Variants in OTUD7A observed in about 807,000 individuals in gnomAD.
OTUD7A encodes the protein OTU deubiquitinase 7A, also known as OTU domain-containing protein 7A.
OTUD7A carries 12 observed loss-of-function variants against 65.7 expected under a neutral mutation model. The ratio of observed to expected loss-of-function variants is 0.18; its 90% confidence interval spans 0.12 to 0.30. The LOEUF is 0.30. Ranked by LOEUF, OTUD7A falls within the 10% of genes least tolerant of loss-of-function variation. The pLI is 1.00. For missense variants in OTUD7A, 1,148 were observed against 1,304.8 expected (o/e 0.88, Z 1.85); for synonymous variants, 641 against 586.3 (o/e 1.09, Z -1.35).
intron 3 of OTUD7A, among the ~76,000 whole-genome samples, chr15:31,635,888 C>T (rs1236939323): frequency 1.3e-5 from 2 of 152,202 alleles, no homozygotes; most frequent in Admixed American, 1.3e-4. Flanking sequence ...GCAAGGAGAG[C>T]CACTGCCCCC....
chr15:31,623,391 G>A (rs1453009457), intron 3 of OTUD7A, among the ~76,000 whole-genome samples: 2 of 152,222 alleles, frequency 1.3e-5, no homozygotes, highest in African/African-American at 4.8e-5. Context: ...GGCAGGCCTC[G>A]TTGAGCTGCA....
chr15:31,865,724 C>G (rs1472109325), intron 1 of OTUD7A, among the ~76,000 whole-genome samples: 2 of 152,162 alleles, frequency 1.3e-5, no homozygotes, highest in Non-Finnish European at 2.9e-5. Flanking sequence ...AGCTCCTAAA[C>G]CTTTGTCTCA....
At chr15:31,496,195 T>C (rs193269611) in intron 10 of OTUD7A, among the ~76,000 whole-genome samples, 48 of 151,960 alleles carry the variant, frequency 3.2e-4, no homozygotes, top group African/African-American at 1.2e-3. Flanking sequence ...GGTACACAAA[T>C]AGACCAATTT....
At chr15:31,855,718 A>T (rs1316383899) in intron 1 of OTUD7A, among the ~76,000 whole-genome samples, 1 of 152,232 alleles carries the variant, frequency 6.6e-6, no homozygotes, top group Non-Finnish European at 1.5e-5. Flanking sequence ...AGGAAAAGGA[A>T]GCACTAATAT....
At chr15:31,522,019 T>C (rs1256241608) in intron 8 of OTUD7A, among the ~76,000 whole-genome samples, 2 of 152,228 alleles carry the variant, frequency 1.3e-5, no homozygotes, top group African/African-American at 4.8e-5. Flanking sequence ...TCCTCATGCC[T>C]GGTCTGCATT....
chr15:31,697,899 C>T (rs1211974399), intron 1 of OTUD7A, among the ~76,000 whole-genome samples: 1 of 152,160 alleles, frequency 6.6e-6, no homozygotes, highest in Admixed American at 6.5e-5. Flanking sequence ...ACACTGGTCA[C>T]CTTATCTCCA....
At chr15:31,546,233 C>T (rs1888127282) in intron 5 of OTUD7A, among the ~76,000 whole-genome samples, 1 of 152,176 alleles carries the variant, frequency 6.6e-6, no homozygotes, top group Non-Finnish European at 1.5e-5. Context: ...GTGTTCATGG[C>T]TTACCAGAAA....
chr15:31,697,519 G>T (rs1893111189), intron 1 of OTUD7A, among the ~76,000 whole-genome samples: 1 of 144,502 alleles, frequency 6.9e-6, no homozygotes, highest in Non-Finnish European at 1.5e-5. Context: ...TTAGGCTCAG[G>T]GGCCACAGAA....
intron 1 of OTUD7A, among the ~76,000 whole-genome samples, chr15:31,815,162 T>C (rs1375513850): frequency 1.3e-5 from 2 of 152,140 alleles, no homozygotes; most frequent in Non-Finnish European, 2.9e-5. Flanking sequence ...AATCTGCAAT[T>C]GCACAAATCT....
At chr15:31,805,792 C>T (rs1181305270) in intron 1 of OTUD7A, among the ~76,000 whole-genome samples, 1 of 152,166 alleles carries the variant, frequency 6.6e-6, no homozygotes, top group Non-Finnish European at 1.5e-5. Context: ...CGGAGATCTT[C>T]CTCCTCCAAA....
At chr15:31,656,777 G>C (rs1407970328) in intron 2 of OTUD7A, among the ~76,000 whole-genome samples, 2 of 151,812 alleles carry the variant, frequency 1.3e-5, no homozygotes. Flanking sequence ...CTGTGACATG[G>C]GCTTCACCTC....
chr15:31,612,769 T>C (rs1241851531), intron 3 of OTUD7A, among the ~76,000 whole-genome samples: 1 of 152,164 alleles, frequency 6.6e-6, no homozygotes, highest in Non-Finnish European at 1.5e-5. Flanking sequence ...ACCATCGTCA[T>C]TCTTCACAGA....
In OTUD7A at chr15:31,483,253, C is replaced by A; in HGVS notation, c.*41G>T. ...ACACCGACACAATGGAAAAGAAATC[C>A]TCGAAGGTAGAACCTCGCCGCCCGC... On this transcript the variant is annotated 3_prime_UTR_variant, in exon 13 of 13. Transcript: ENST00000307050. 9.4e-7 allele frequency: 1 copy of A among 1,067,214 alleles called. No individual in the cohort carries two copies. The highest frequency in any genetic ancestry group is 5.3e-5 in the Admixed American group (1 of 18,874). The allele number at this position is 1,067,214 out of a possible 1,614,324, so 66.1% of individuals were successfully genotyped here. A position where few individuals can be genotyped will look rare whatever the true frequency, so the allele number is the denominator to read the frequency against.
intron 1 of OTUD7A, among the ~76,000 whole-genome samples, chr15:31,727,596 CA>C (rs1201652576): frequency 6.6e-6 from 1 of 152,182 alleles, no homozygotes; most frequent in African/African-American, 2.4e-5. Context: ...AATGAAATTC[CA>C]ATGAATATCC....
chr15:31,581,230 C>G (rs1186594901), intron 3 of OTUD7A, among the ~76,000 whole-genome samples: 3 of 152,252 alleles, frequency 2.0e-5, no homozygotes, highest in Admixed American at 2.0e-4. Context: ...TGGTCTTGGG[C>G]AGCTCCACCC....
intron 1 of OTUD7A, among the ~76,000 whole-genome samples, chr15:31,807,333 T>C (rs1336230247): frequency 6.6e-6 from 1 of 152,168 alleles, no homozygotes; most frequent in Non-Finnish European, 1.5e-5. Flanking sequence ...GGGACATGCA[T>C]GTGTTTCACA....
intron 1 of OTUD7A, among the ~76,000 whole-genome samples, chr15:31,675,902 T>G: frequency 6.6e-6 from 1 of 152,224 alleles, no homozygotes; most frequent in East Asian, 1.9e-4. Flanking sequence ...GAAAGAGAAC[T>G]TCAATAAATG....
At chr15:31,617,837 G>A (rs1890640953) in intron 3 of OTUD7A, among the ~76,000 whole-genome samples, 1 of 152,080 alleles carries the variant, frequency 6.6e-6, no homozygotes, top group East Asian at 1.9e-4. Context: ...ATGCAGGTTT[G>A]TTACATATGT....
intron 1 of OTUD7A, among the ~76,000 whole-genome samples, chr15:31,797,744 T>G (rs566625124): frequency 1.3e-5 from 2 of 152,214 alleles, no homozygotes; most frequent in South Asian, 4.1e-4. Flanking sequence ...CAAAGACGTG[T>G]TCCTATTGCC....
Sources: gnomAD v4.1 joint callset for allele counts (sites outside exome capture counted in the v4.1 genomes callset) on GRCh38, gnomAD v4.1.1 for gene constraint, MANE v1.5 for transcripts, NCBI Gene and HGNC (gene_info 2026-07-23, HGNC 2026-07-21) for gene names.